LRP1B: variants seen among roughly 807,000 people sequenced by gnomAD.
The protein encoded by LRP1B is low-density lipoprotein receptor-related protein 1B.
A neutral mutation model predicts 556.6 loss-of-function variants in LRP1B; 217 were observed. The observed-to-expected ratio is 0.39, with a 90% CI of 0.35 to 0.44. The LOEUF is 0.44. Among genes scored for constraint, LRP1B ranks in the 20% least tolerant of loss-of-function variants. The pLI, the probability that LRP1B is intolerant of heterozygous loss-of-function variation, is 1.00. For missense variants in LRP1B, 5,053 were observed against 5,620.8 expected (o/e 0.90, Z 3.23); for synonymous variants, 2,047 against 1,865.8 (o/e 1.10, Z -2.50).
In LRP1B at chr2:141,385,808, C is replaced by T. The variant is rs555714475; in HGVS notation, c.343+94588G>A. ...CAGCATTGTAGGTGGAGATTGAAAA[C>T]CTGTCATCGTTTGCTGTTGCTATTG... On this transcript the variant is annotated intron_variant, in intron 3 of 90. Transcript: ENST00000389484. Among the ~76,000 whole-genome samples, 8 of 152,220 alleles carry T rather than the reference C, an allele frequency of 5.3e-5. No individual in the cohort carries two copies. In the South Asian group the frequency reaches 1.7e-3, roughly 32 times the overall value.
chr2:142,057,319 A>G (rs1396208742), intron 1 of LRP1B, among the ~76,000 whole-genome samples: 2 of 152,186 alleles, frequency 1.3e-5, no homozygotes, highest in Non-Finnish European at 2.9e-5. Flanking sequence ...CTAAACGATC[A>G]GAGATCAGGG....
At chr2:140,335,194 G>GTACATA (rs1681014486) in intron 78 of LRP1B, among the ~76,000 whole-genome samples, 1 of 150,988 alleles carries the variant, frequency 6.6e-6, no homozygotes, top group Admixed American at 6.6e-5. Flanking sequence ...GTGTGCATGT[G>GTACATA]TATATATATA....
intron 7 of LRP1B, among the ~76,000 whole-genome samples, chr2:141,147,428 C>T (rs1701813550): frequency 6.6e-6 from 1 of 152,104 alleles, no homozygotes; most frequent in Admixed American, 6.6e-5. Context: ...GTAGGAAACC[C>T]TGTGTTACAT....
At chr2:141,289,656 T>G (rs910515449) in intron 3 of LRP1B, among the ~76,000 whole-genome samples, 16 of 152,110 alleles carry the variant, frequency 1.1e-4, no homozygotes, top group African/African-American at 3.9e-4. Flanking sequence ...TAGAATACTC[T>G]CTTTCTTACA....
intron 5 of LRP1B, among the ~76,000 whole-genome samples, chr2:141,240,424 A>C (rs1364771088): frequency 1.3e-5 from 2 of 151,932 alleles, no homozygotes; most frequent in African/African-American, 4.8e-5. Context: ...CCCTCCGAGG[A>C]TTTCAATAGT....
rs556291615 is a variant in LRP1B at position 140,850,247 on chromosome 2, C to T, written c.4794G>A (p.Thr1598=). ...DIDNPYFNFI[T]AFTVPDIDDV... ...CATCAATATCAGGGACTGTAAATGC[C>T]GTGATGAAGTTAAAGTATGGATTGT... Residue 1598 remains threonine, a synonymous_variant, in exon 29 of 91, where the codon ACG becomes ACA. Transcript: ENST00000389484. 5 of 1,613,424 alleles carry T rather than the reference C, an allele frequency of 3.1e-6. No homozygotes were observed. Among genetic ancestry groups the T allele is most frequent in the East Asian group, 4.5e-5 (2 of 44,798 alleles).
chr2:141,101,642 G>C (rs901780296), intron 7 of LRP1B, among the ~76,000 whole-genome samples: 3 of 152,146 alleles, frequency 2.0e-5, no homozygotes, highest in African/African-American at 7.2e-5. Flanking sequence ...TGAGTGCACA[G>C]ATATGTTGGT....
At chr2:140,921,083 T>C (rs547067726) in intron 21 of LRP1B, among the ~76,000 whole-genome samples, 36 of 152,128 alleles carry the variant, frequency 2.4e-4, no homozygotes, top group Non-Finnish European at 3.2e-4. Context: ...TAAATTTACT[T>C]AATCGTACTA....
At chr2:140,761,130 C>T (rs1688906088) in intron 35 of LRP1B, among the ~76,000 whole-genome samples, 1 of 152,124 alleles carries the variant, frequency 6.6e-6, no homozygotes, top group Admixed American at 6.6e-5. Flanking sequence ...AAGGACTTCT[C>T]CAGTCAGCTA....
chr2:140,398,459 A>G (rs1684349066), intron 66 of LRP1B, among the ~76,000 whole-genome samples: 1 of 152,168 alleles, frequency 6.6e-6, no homozygotes, highest in African/African-American at 2.4e-5. Context: ...TACACTGTGG[A>G]GAGGGCACTG....
rs151115312 is a variant in LRP1B at position 140,897,142 on chromosome 2, T to C, written c.3766+5778A>G. Among the ~76,000 whole-genome samples the C allele has an allele frequency of 1.3e-4, 20 of 152,378 alleles. No homozygotes were observed. The East Asian group carries it at 3.9e-3, about 29-fold the overall frequency. ...AACTTTAAAAGATGAAATATACTTT[T>C]ACTTTTCTATAAAATTATGAACAAA... On this transcript the variant is annotated intron_variant, in intron 23 of 90. Coordinates refer to ENST00000389484, the MANE Select transcript of LRP1B (RefSeq NM_018557.3).
chr2:141,045,350 G>A (rs971479596), intron 11 of LRP1B, among the ~76,000 whole-genome samples: 16 of 151,244 alleles, frequency 1.1e-4, no homozygotes, highest in Non-Finnish European at 2.4e-4. Flanking sequence ...CAGCGCACCA[G>A]CATGGCACAT....
intron 3 of LRP1B, among the ~76,000 whole-genome samples, chr2:141,369,903 T>C (rs963862493): frequency 2.0e-5 from 3 of 152,242 alleles, no homozygotes. Context: ...TTTGACTTGC[T>C]GTGTCTGAGT....
intron 6 of LRP1B, among the ~76,000 whole-genome samples, chr2:141,201,342 T>A (rs1682006747): frequency 6.6e-6 from 1 of 152,194 alleles, no homozygotes; most frequent in Non-Finnish European, 1.5e-5. Context: ...ACAGCCTTGC[T>A]GCTTGTGATT....
At chr2:141,522,384 G>C (rs893684219) in intron 2 of LRP1B, among the ~76,000 whole-genome samples, 7 of 152,094 alleles carry the variant, frequency 4.6e-5, no homozygotes, top group African/African-American at 7.2e-5. Context: ...CATCAGATTT[G>C]AATAGCCAAT....
At chr2:141,845,092 A>G (rs1697598615) in intron 1 of LRP1B, among the ~76,000 whole-genome samples, 1 of 151,248 alleles carries the variant, frequency 6.6e-6, no homozygotes, top group African/African-American at 2.4e-5. Flanking sequence ...TGATTCCTGT[A>G]AATAATTCAG....
chr2:141,914,642 G>A (rs1174079919), intron 1 of LRP1B, among the ~76,000 whole-genome samples: 1 of 152,134 alleles, frequency 6.6e-6, no homozygotes, highest in Non-Finnish European at 1.5e-5. Context: ...ACTGACAAAT[G>A]ACTTCAGTAA....
At chr2:142,004,988 G>A (rs1702758501) in intron 1 of LRP1B, among the ~76,000 whole-genome samples, 1 of 148,394 alleles carries the variant, frequency 6.7e-6, no homozygotes, top group South Asian at 2.1e-4. Context: ...TAGTATTATA[G>A]ATACTATATA....
chr2:141,869,675 C>T (rs1257997893), intron 1 of LRP1B, among the ~76,000 whole-genome samples: 1 of 152,096 alleles, frequency 6.6e-6, no homozygotes, highest in Non-Finnish European at 1.5e-5. Flanking sequence ...TTCTAAGGTT[C>T]ATTTTCATTG....
Sources: gnomAD v4.1 joint callset for allele counts (sites outside exome capture counted in the v4.1 genomes callset) on GRCh38, gnomAD v4.1.1 for gene constraint, MANE v1.5 for transcripts, NCBI Gene and HGNC (gene_info 2026-07-23, HGNC 2026-07-21) for gene names.